RPS6KA1: variants seen among roughly 807,000 people sequenced by gnomAD.
RPS6KA1 encodes ribosomal protein S6 kinase A1, also known as ribosomal protein S6 kinase alpha-1.
In RPS6KA1, 48 loss-of-function variants were observed where a neutral mutation model predicts 91.3. The observed-to-expected ratio is 0.53, with a 90% CI of 0.42 to 0.67. The LOEUF is 0.67. Ranked by LOEUF, RPS6KA1 falls within the 30% of genes least tolerant of loss-of-function variation. RPS6KA1 has a pLI of 0.00. For missense variants in RPS6KA1, 719 were observed against 960.5 expected (o/e 0.75, Z 3.32); for synonymous variants, 359 against 384.7 (o/e 0.93, Z 0.78).
chr1:26,535,609 T>A (rs1448809875), intron 1 of RPS6KA1, among the ~76,000 whole-genome samples: 2 of 152,074 alleles, frequency 1.3e-5, no homozygotes, highest in African/African-American at 4.8e-5. Flanking sequence ...CCAGCATATT[T>A]AATAACCACC....
chr1:26,529,835 CG>C lies in RPS6KA1; in HGVS notation c.-83del. 9.4e-7 allele frequency: 1 copy of C among 1,066,268 alleles called. No individual in the cohort carries two copies. Among genetic ancestry groups the C allele is most frequent in the Non-Finnish European group, 1.2e-6 (1 of 836,048 alleles). 66.1% of individuals were successfully genotyped at this position (1,066,268 alleles called of 1,614,324 possible). A position where few individuals can be genotyped will look rare whatever the true frequency, so the allele number is the denominator to read the frequency against. On this transcript the variant is annotated 5_prime_UTR_variant, in exon 1 of 22. Transcript: ENST00000374168. This position sits in a 1 kb window ranked among gnomAD's most constrained non-coding sequence, Gnocchi z 4.2. ...AGGGGCTCGGGGGGGCGCGGCGGTT[CG>C]GGTCGCAGAGCCAGGGACCCCAGGA...
chr1:26,545,659 G>A lies in RPS6KA1; in HGVS notation c.109-1208G>A, dbSNP rs1414112306. Among the ~76,000 whole-genome samples, 4 of 152,204 alleles carry A rather than the reference G, an allele frequency of 2.6e-5. No individual in the cohort carries two copies. The South Asian group carries it at 6.2e-4, about 24-fold the overall frequency. On this transcript the variant is annotated intron_variant, in intron 2 of 21. Coordinates refer to ENST00000374168, the MANE Select transcript of RPS6KA1 (RefSeq NM_002953.4). Reference sequence around the variant, plus strand: ...GGACTTTCCCTTTGTAGGCCCACAGGGAGGATGGGGGAACGGCCAGAGGGC... The same window carrying A: ...GGACTTTCCCTTTGTAGGCCCACAGAGAGGATGGGGGAACGGCCAGAGGGC...
chr1:26,562,158 C>A (rs1404372565), intron 17 of RPS6KA1, among the ~76,000 whole-genome samples: 2 of 152,116 alleles, frequency 1.3e-5, no homozygotes, highest in Non-Finnish European at 2.9e-5. Context: ...GAGCCAAGAT[C>A]ACACCATTGC....
chr1:26,565,189 A>G (rs1392568357), intron 17 of RPS6KA1, among the ~76,000 whole-genome samples: 1 of 152,124 alleles, frequency 6.6e-6, no homozygotes, highest in Non-Finnish European at 1.5e-5. Context: ...CTTCTTATTG[A>G]GATATTTGGA....
chr1:26,541,018 G>A (rs2075942834), intron 2 of RPS6KA1, among the ~76,000 whole-genome samples: 1 of 151,956 alleles, frequency 6.6e-6, no homozygotes, highest in African/African-American at 2.4e-5. Flanking sequence ...TCGAACTCCC[G>A]ACCTCAGGTG....
chr1:26,570,164 G>A (rs1469676266), intron 17 of RPS6KA1, among the ~76,000 whole-genome samples: 2 of 152,076 alleles, frequency 1.3e-5, no homozygotes, highest in African/African-American at 2.4e-5. Flanking sequence ...GGTATTGGTA[G>A]TTGATAGTTA....
chr1:26,541,436 TCCCAGCTACTCGG>T (rs1165420036), intron 2 of RPS6KA1, among the ~76,000 whole-genome samples: 3 of 151,822 alleles, frequency 2.0e-5, no homozygotes, highest in Non-Finnish European at 4.4e-5. Flanking sequence ...GTGCCTGTAG[TCCCAGCTACTCGG>T]GAGGCTGAGG....
chr1:26,542,062 A>G (rs2075953290), intron 2 of RPS6KA1, among the ~76,000 whole-genome samples: 1 of 152,156 alleles, frequency 6.6e-6, no homozygotes, highest in Non-Finnish European at 1.5e-5. Flanking sequence ...CAGTTCTGAG[A>G]CTGTTTCCTT....
chr1:26,531,043 C>G, intron 1 of RPS6KA1: 1 of 455,934 alleles, frequency 2.2e-6, no homozygotes, highest in Non-Finnish European at 3.2e-6. Flanking sequence ...CCCTCTCTTA[C>G]CTAGGGCAGC....
At chr1:26,544,946 C>A (rs545781899) in intron 2 of RPS6KA1, among the ~76,000 whole-genome samples, 2 of 152,122 alleles carry the variant, frequency 1.3e-5, no homozygotes, top group East Asian at 3.9e-4. Context: ...GGGCTTGTGT[C>A]CCTATCTGCC....
chr1:26,556,985 C>T lies in RPS6KA1; in HGVS notation c.982-13C>T. 1 of 1,607,224 alleles carries T rather than the reference C, an allele frequency of 6.2e-7. No homozygotes were observed. The highest frequency in any genetic ancestry group is 8.5e-7 in the Non-Finnish European group (1 of 1,173,800). ...GATGCCATGGTGACCAGAGTGCCCA[C>T]CCCACTGTGCAGAAGCTATACCGTC... On this transcript the variant is annotated splice_polypyrimidine_tract_variant and intron_variant, in intron 12 of 21. Transcript: ENST00000374168.
chr1:26,556,243 G>A (rs78317293), intron 11 of RPS6KA1: 5,223 of 231,238 alleles, frequency 0.023, 239 homozygotes, highest in African/African-American at 0.11. Flanking sequence ...TCCAGTCAAG[G>A]CCCCTGGGGT....
At chr1:26,552,992 A>G in intron 6 of RPS6KA1, 1 of 274,340 alleles carries the variant, frequency 3.6e-6, no homozygotes, top group Middle Eastern at 4.2e-4. Context: ...TCCTTATGTA[A>G]AAAGTACTAT....
Position 26,555,243 on chromosome 1 carries a change from A to C in RPS6KA1, c.827+22A>C, listed in dbSNP as rs1334655002. 1.2e-6 allele frequency: 2 copies of C among 1,611,812 alleles called. No homozygotes were observed. The highest frequency in any genetic ancestry group is 1.7e-6 in the Non-Finnish European group (2 of 1,177,958). On this transcript the variant is annotated intron_variant, in intron 10 of 21. Transcript: ENST00000374168. This position sits in a 1 kb window ranked among gnomAD's most constrained non-coding sequence, Gnocchi z 4.3. Reference sequence around the variant, plus strand: ...TGAAGTAAGCCCCAGCCCTGCCCTGATAACAATGGACTCCTCCAAGCCCCA... The same window carrying C: ...TGAAGTAAGCCCCAGCCCTGCCCTGCTAACAATGGACTCCTCCAAGCCCCA...
chr1:26,553,797 C>T (rs2290589), intron 7 of RPS6KA1: 75,379 of 246,620 alleles, frequency 0.31, 13,299 homozygotes, highest in East Asian at 0.75. Context: ...TAGAATTTTC[C>T]CTAATATCTA....
chr1:26,533,174 G>C (rs773937863), intron 1 of RPS6KA1, among the ~76,000 whole-genome samples: 2 of 152,130 alleles, frequency 1.3e-5, no homozygotes, highest in Non-Finnish European at 2.9e-5. Flanking sequence ...CCACCTCCCG[G>C]GTTCAAGTGA....
chr1:26,546,754 A>G (rs2278978), intron 2 of RPS6KA1, 113 bp from the exon 3 acceptor site: 552,399 of 749,456 alleles, frequency 0.74, 205,097 homozygotes, highest in African/African-American at 0.89. Context: ...GAAGTCGTCT[A>G]TTGGGCCTTT....
chr1:26,546,181 C>T (rs2075993396), intron 2 of RPS6KA1: 1 of 914,844 alleles, frequency 1.1e-6, no homozygotes, highest in Non-Finnish European at 1.6e-6. Flanking sequence ...AGACTTGCTT[C>T]CTGGGGAAGT....
At chr1:26,557,182 TAGTC>T (rs2076110116) in intron 13 of RPS6KA1, 82 bp downstream of exon 13, 3 of 1,112,484 alleles carry the variant, frequency 2.7e-6, no homozygotes, top group African/African-American at 3.1e-5. Flanking sequence ...GGGGCAGAGA[TAGTC>T]AGGGACACTG....
Sources: allele counts gnomAD v4.1 joint callset (sites outside exome capture counted in the v4.1 genomes callset), GRCh38; gene constraint gnomAD v4.1.1; non-coding constraint Gnocchi (gnomAD v3.1); transcripts MANE v1.5; gene names NCBI Gene and HGNC (gene_info 2026-07-23, HGNC 2026-07-21).